The following DCTN1 variants were observed in gnomAD, a reference collection of about 807,000 sequenced individuals.
The protein encoded by DCTN1 is 150 kDa dynein-associated polypeptide.
A neutral mutation model predicts 161.2 loss-of-function variants in DCTN1; 61 were observed. That is an observed-to-expected ratio of 0.38 (90% confidence interval 0.31 to 0.47). The LOEUF is 0.47. Among genes scored for constraint, DCTN1 ranks in the 20% least tolerant of loss-of-function variants. The pLI is 0.99. For synonymous variants in DCTN1, 653 were observed against 632.4 expected, an observed-to-expected ratio of 1.03 and a Z score of -0.49; for missense variants, 1,404 against 1,623.7, an observed-to-expected ratio of 0.86 and a Z score of 2.33.
intron 1 of DCTN1, among the ~76,000 whole-genome samples, chr2:74,379,246 G>A (rs1322425375): frequency 1.3e-5 from 2 of 152,172 alleles, no homozygotes; most frequent in Non-Finnish European, 2.9e-5. Context: ...TGAACCAGGG[G>A]CCTTGCAGCA....
intron 19 of DCTN1, 29 bp from the exon 20 acceptor site, chr2:74,367,136 G>GC: frequency 6.2e-7 from 1 of 1,613,408 alleles, no homozygotes; most frequent in East Asian, 2.2e-5. Flanking sequence ...GCAATCATCA[G>GC]CCCCCAGCAG....
Position 74,363,469 on chromosome 2 carries a change from G to C in DCTN1, c.3212-42C>G, listed in dbSNP as rs377270992. On this transcript the variant is annotated intron_variant, in intron 27 of 31. Coordinates refer to ENST00000628224, the MANE Select transcript of DCTN1 (RefSeq NM_004082.5). ...AAATCTCATCAGCCCCAAGTGGAAA[G>C]GGTTGAAAATTGGGCTCCATTCCTA... 4 of 1,609,224 alleles carry C rather than the reference G, an allele frequency of 2.5e-6. No homozygotes were observed. In the South Asian group the frequency reaches 3.3e-5, roughly 13 times the overall value.
upstream of DCTN1, among the ~76,000 whole-genome samples, chr2:74,380,871 T>C (rs981890716): frequency 1.3e-5 from 2 of 152,204 alleles, no homozygotes; most frequent in Admixed American, 6.5e-5. Flanking sequence ...ATGGTTGTTA[T>C]AAGGGGCCAG....
At position 74,366,950 on chromosome 2, in the gene DCTN1, AATGG is replaced by A. The variant is rs1674462407; in HGVS notation, c.2317-22_2317-19del. On this transcript the variant is annotated intron_variant, in intron 20 of 31. Coordinates refer to ENST00000628224, the MANE Select transcript of DCTN1 (RefSeq NM_004082.5). ...TGCCCACCCTACTCAGGAAAAAGAA[AATGG>A]ATGGAGAACCAAGTTAGCATTAAGG... 6.2e-7 allele frequency: 1 copy of A among 1,614,094 alleles called. No homozygotes were observed. Among genetic ancestry groups the A allele is most frequent in the South Asian group, 1.1e-5 (1 of 91,092 alleles).
At position 74,369,456 on chromosome 2, in the gene DCTN1, C is replaced by G. The variant is rs1166572704; in HGVS notation, c.1428G>C (p.Glu476Asp). ...AMNEMNDELQ[E>D]NARETELELR... ...GCTCCAGTTCTGTCTCACGTGCATT[C>G]TCCTGCAGCTCATCGTTCATCTCAT... Residue 476 changes from glutamate to aspartate, a missense_variant, in exon 14 of 32, where the codon GAG becomes GAC. Glu to Asp is a conservative substitution (Grantham distance 45). Coordinates refer to ENST00000628224, the MANE Select transcript of DCTN1 (RefSeq NM_004082.5). The surrounding 1 kb of genome is among the most constrained non-coding windows in gnomAD (Gnocchi z 4.9). 1 of 1,614,048 alleles carries G rather than the reference C, an allele frequency of 6.2e-7. No homozygotes were observed. The highest frequency in any genetic ancestry group is 8.5e-7 in the Non-Finnish European group (1 of 1,180,040).
intron 1 of DCTN1, among the ~76,000 whole-genome samples, chr2:74,388,853 C>G (rs1467600413): frequency 6.6e-6 from 1 of 152,178 alleles, no homozygotes; most frequent in African/African-American, 2.4e-5. Context: ...AGTAGCTCCA[C>G]TCTTGAAGAC....
rs569011011 is a variant in DCTN1, at chr2:74,371,012, G to C, written c.810C>G (p.Ala270=). The change falls in exon 9 of 32, where the codon GCC becomes GCG. Residue 270 remains alanine (A), a synonymous_variant. Coordinates refer to ENST00000628224, the MANE Select transcript of DCTN1 (RefSeq NM_004082.5). ...EWKSKMQEQQ[A]DLQRRLKEAR... The stretch of plus-strand genomic sequence containing the variant: ...CCTCCTTGAGGCGCCGCTGCAGGTC[G>C]GCCTGCTGCTCCTGCATTTTGCTCT... 90 of 1,614,108 alleles carry C rather than the reference G, an allele frequency of 5.6e-5. 1 individual carries two copies. The South Asian group carries it at 8.7e-4, about 16-fold the overall frequency.
intron 1 of DCTN1, chr2:74,385,575 A>G (rs1265196320): frequency 6.6e-6 from 1 of 152,232 alleles, no homozygotes; most frequent in African/African-American, 2.4e-5. Flanking sequence ...CCTTTTGGGC[A>G]GCTCGCCGGC....
At chr2:74,387,354 C>T (rs900073289) in intron 1 of DCTN1, among the ~76,000 whole-genome samples, 1 of 150,882 alleles carries the variant, frequency 6.6e-6, no homozygotes, top group African/African-American at 2.5e-5. Flanking sequence ...CAACCATTCC[C>T]ACAACTTCAA....
chr2:74,369,891 A>G lies in DCTN1; in HGVS notation c.1392+74T>C. ...GGTCCCTCACCGCACACCCTGCTCA[A>G]AGGCCAAGGGTCACATGTCAATCTT... On this transcript the variant is annotated intron_variant, in intron 13 of 31. Coordinates refer to ENST00000628224, the MANE Select transcript of DCTN1 (RefSeq NM_004082.5). This position sits in a 1 kb window ranked among gnomAD's most constrained non-coding sequence, Gnocchi z 4.9. 6.7e-7 allele frequency: 1 copy of G among 1,489,474 alleles called. No homozygotes were observed. Among genetic ancestry groups the G allele is most frequent in the East Asian group, 2.3e-5 (1 of 44,256 alleles). 92.3% of individuals were successfully genotyped at this position (1,489,474 alleles called of 1,614,324 possible). A position where few individuals can be genotyped will look rare whatever the true frequency, so the allele number is the denominator to read the frequency against.
At chr2:74,367,517 G>T in intron 18 of DCTN1, 97 bp from the exon 19 acceptor site, 1 of 1,498,160 alleles carries the variant, frequency 6.7e-7, no homozygotes, top group Non-Finnish European at 9.2e-7. Flanking sequence ...ATGGGTCTCT[G>T]GAGGTACAAG....
chr2:74,387,942 T>C (rs565440847), intron 1 of DCTN1, among the ~76,000 whole-genome samples: 76 of 152,302 alleles, frequency 5.0e-4, no homozygotes, highest in African/African-American at 1.7e-3. Flanking sequence ...CCTAGCACTC[T>C]GAGAGCCCAA....
At chr2:74,368,475 A>G (rs1361973023) in intron 16 of DCTN1, 20 of 639,180 alleles carry the variant, frequency 3.1e-5, no homozygotes, top group Non-Finnish European at 8.1e-6. Context: ...TGGCCCTCAG[A>G]CAATGTTATT....
chr2:74,377,326 C>A (rs563979378), intron 4 of DCTN1, 106 bp downstream of exon 4: 2 of 988,946 alleles, frequency 2.0e-6, no homozygotes, highest in East Asian at 2.4e-5. Flanking sequence ...GACTAGAAGG[C>A]AAATCAGACT....
At chr2:74,376,979 A>G (rs552223758) in intron 4 of DCTN1, among the ~76,000 whole-genome samples, 37 of 152,340 alleles carry the variant, frequency 2.4e-4, no homozygotes, top group African/African-American at 8.4e-4. Flanking sequence ...ACAGAGTAGC[A>G]GAGAAGAACT....
chr2:74,379,056 T>A (rs1403083126), intron 1 of DCTN1: 4 of 152,620 alleles, frequency 2.6e-5, no homozygotes, highest in Admixed American at 2.6e-4. Flanking sequence ...GTGGTCCAAA[T>A]GAATGGTTTA....
At chr2:74,361,742 T>C in intron 31 of DCTN1, 106 bp from the exon 32 acceptor site, 1 of 1,434,308 alleles carries the variant, frequency 7.0e-7, no homozygotes, top group Non-Finnish European at 9.8e-7. Flanking sequence ...CCTGGGTGAC[T>C]AGGGCTTCTG....
At chr2:74,372,055 A>G (rs1674899950) in intron 7 of DCTN1, 3 of 362,894 alleles carry the variant, frequency 8.3e-6, no homozygotes, top group Non-Finnish European at 1.6e-5. Flanking sequence ...TACCCTTAAG[A>G]GCAGAATCCG....
chr2:74,377,415 AC>A lies in DCTN1; in HGVS notation c.393+16del, dbSNP rs529200706. 1.1e-5 allele frequency: 17 copies of A among 1,608,240 alleles called. No individual in the cohort carries two copies. In the Admixed American group the frequency reaches 2.8e-4, roughly 27 times the overall value. ...CCTCCCTTTATTATTCCCCATTCCC[AC>A]CCCCAAATCACTCACCAGTTTGCTA... On this transcript the variant is annotated intron_variant, in intron 4 of 31. Coordinates refer to ENST00000628224, the MANE Select transcript of DCTN1 (RefSeq NM_004082.5).
Sources: allele counts gnomAD v4.1 joint callset (sites outside exome capture counted in the v4.1 genomes callset), GRCh38; gene constraint gnomAD v4.1.1; non-coding constraint Gnocchi (gnomAD v3.1); transcripts MANE v1.5; gene names NCBI Gene and HGNC (gene_info 2026-07-23, HGNC 2026-07-21).